EEA1: variants seen among roughly 807,000 people sequenced by gnomAD.
EEA1 encodes early endosome antigen 1, 162kD.
In EEA1, 111 loss-of-function variants were observed where a neutral mutation model predicts 209.2. The ratio of observed to expected loss-of-function variants is 0.53; its 90% confidence interval spans 0.45 to 0.62. EEA1 has a LOEUF of 0.62. Among genes scored for constraint, EEA1 ranks in the 20% least tolerant of loss-of-function variants. The probability of loss-of-function intolerance (pLI) is 0.00; values close to 1 mark genes in which losing one functional copy is unlikely to be tolerated. For missense variants in EEA1, 1,343 were observed against 1,530.8 expected (o/e 0.88, Z 2.05); for synonymous variants, 536 against 540.6 (o/e 0.99, Z 0.12).
intron 13 of EEA1, 140 bp downstream of exon 13, chr12:92,826,026 A>C: frequency 1.2e-6 from 1 of 845,564 alleles, no homozygotes; most frequent in Non-Finnish European, 1.6e-6. Flanking sequence ...AATCCCTCAC[A>C]ATCAAGTATT....
chr12:92,777,726 T>TATAG, intron 26 of EEA1, 63 bp from the exon 27 acceptor site: 1 of 1,495,368 alleles, frequency 6.7e-7, no homozygotes, highest in Non-Finnish European at 9.0e-7. Context: ...CCTTCTAGGG[T>TATAG]ATAGATAATG....
intron 7 of EEA1, among the ~76,000 whole-genome samples, chr12:92,852,557 T>C (rs1877676884): frequency 6.6e-6 from 1 of 152,084 alleles, no homozygotes; most frequent in African/African-American, 2.4e-5. Context: ...AAGCACATGT[T>C]AAAAACATAT....
At chr12:92,880,696 C>T (rs567954179) in intron 2 of EEA1, among the ~76,000 whole-genome samples, 3 of 152,074 alleles carry the variant, frequency 2.0e-5, no homozygotes, top group South Asian at 2.1e-4. Context: ...AGGATGGTCT[C>T]GATCTCCTGA....
intron 18 of EEA1, 63 bp downstream of exon 18, chr12:92,808,954 G>A: frequency 2.1e-6 from 3 of 1,428,790 alleles, no homozygotes; most frequent in Non-Finnish European, 2.8e-6. Flanking sequence ...AAATCTGAAG[G>A]AAATTTTAAT....
chr12:92,812,288 C>T (rs1383500360), intron 16 of EEA1, among the ~76,000 whole-genome samples: 1 of 151,774 alleles, frequency 6.6e-6, no homozygotes, highest in African/African-American at 2.4e-5. Context: ...AAGATTACAC[C>T]ATTGCGCTCC....
Position 92,832,731 on chromosome 12 carries a change from A to G in EEA1, c.1035T>C (p.Asp345=). The part of the protein sequence containing the change: ...IQATLHQKDL[D]CQQLQSRLSA... Reference sequence around the variant, plus strand: ...ACAATCTTGACTGAAGCTGTTGACAATCTAGGTCTTTTTGATGAAGGGTTG... The same window carrying G: ...ACAATCTTGACTGAAGCTGTTGACAGTCTAGGTCTTTTTGATGAAGGGTTG... The change falls in exon 11 of 29, where the codon GAT becomes GAC. Residue 345 remains aspartate (D), a synonymous_variant. Transcript: ENST00000322349. The G allele has an allele frequency of 6.2e-7, 1 of 1,614,032 alleles. No individual in the cohort carries two copies. Among genetic ancestry groups the G allele is most frequent in the Non-Finnish European group, 8.5e-7 (1 of 1,179,980 alleles).
At chr12:92,812,754 C>T (rs1443940446) in intron 16 of EEA1, among the ~76,000 whole-genome samples, 2 of 152,182 alleles carry the variant, frequency 1.3e-5, no homozygotes, top group Admixed American at 6.5e-5. Flanking sequence ...GGAAACCAAC[C>T]ACACCTGCAC....
Position 92,772,226 on chromosome 12 carries a change from C to A in EEA1, c.*3785G>T, listed in dbSNP as rs1419144776. On this transcript the variant is annotated 3_prime_UTR_variant, in exon 29 of 29. Transcript: ENST00000322349. The stretch of plus-strand genomic sequence containing the variant: ...TAAATGGTCATCTGGGTATTAAATG[C>A]AGACACACAATGAAATAAGGGGTTA... 4 of 151,580 alleles carry A rather than the reference C, an allele frequency of 2.6e-5. No homozygotes were observed. Among genetic ancestry groups the A allele is most frequent in the African/African-American group, 9.7e-5 (4 of 41,306 alleles). The allele number at this position is 151,580 out of a possible 1,614,324, so 9.4% of individuals were successfully genotyped here.
intron 21 of EEA1, among the ~76,000 whole-genome samples, chr12:92,792,903 A>C (rs1429074620): frequency 6.6e-6 from 1 of 152,182 alleles, no homozygotes; most frequent in Non-Finnish European, 1.5e-5. Context: ...GGCAAACCGA[A>C]TCCAGCAGCA....
chr12:92,846,197 T>A (rs1877382709), intron 9 of EEA1, among the ~76,000 whole-genome samples: 1 of 152,158 alleles, frequency 6.6e-6, no homozygotes, highest in Admixed American at 6.5e-5. Context: ...AATTGCCATA[T>A]AACAATTGAA....
At chr12:92,913,726 T>C (rs147770644) in intron 1 of EEA1, among the ~76,000 whole-genome samples, 207 of 152,310 alleles carry the variant, frequency 1.4e-3, no homozygotes, top group Non-Finnish European at 2.4e-3. Flanking sequence ...AGTGGCGCGA[T>C]GTCAGCTCAC....
At chr12:92,841,996 T>C (rs1004308966) in intron 10 of EEA1, among the ~76,000 whole-genome samples, 4 of 152,106 alleles carry the variant, frequency 2.6e-5, no homozygotes, top group African/African-American at 4.8e-5. Context: ...ATAACATATA[T>C]ACATACAACA....
At chr12:92,821,671 C>T (rs995996805) in intron 13 of EEA1, among the ~76,000 whole-genome samples, 4 of 152,000 alleles carry the variant, frequency 2.6e-5, no homozygotes, top group African/African-American at 4.8e-5. Context: ...CCCTCAATAA[C>T]GACTTAAAAG....
intron 2 of EEA1, among the ~76,000 whole-genome samples, chr12:92,879,033 C>T (rs1005839140): frequency 1.1e-4 from 17 of 152,032 alleles, no homozygotes; most frequent in Non-Finnish European, 1.3e-4. Context: ...GCCAGGAAAA[C>T]CCAGATACCA....
Position 92,782,021 on chromosome 12 carries a change from G to T in EEA1, c.3265C>A (p.Gln1089Lys), listed in dbSNP as rs148674113. Residue 1089 changes from glutamine to lysine, a missense_variant, in exon 23 of 29, where the codon CAG becomes AAG. Around this residue, in one of 3 missense-constraint regions of EEA1, gnomAD observed 1,307 missense variants for 1,465.5 expected, o/e 0.89. Coordinates refer to ENST00000322349, the MANE Select transcript of EEA1 (RefSeq NM_003566.4). Reference sequence around the variant, plus strand: ...TGCTGTTCTTTCTTTGCTGAATCCTGCTCCAATGTAGCCTTGGCAGTCTTC... The same window carrying T: ...TGCTGTTCTTTCTTTGCTGAATCCTTCTCCAATGTAGCCTTGGCAGTCTTC... ...ELKTAKATLE[Q>K]DSAKKEQQLQ... is the part of the protein sequence containing the mutation. 6.2e-6 allele frequency: 10 copies of T among 1,612,996 alleles called. No individual in the cohort carries two copies. Among genetic ancestry groups the T allele is most frequent in the Non-Finnish European group, 8.5e-6 (10 of 1,179,414 alleles).
At chr12:92,861,543 A>C (rs1283764430) in intron 3 of EEA1, among the ~76,000 whole-genome samples, 1 of 152,198 alleles carries the variant, frequency 6.6e-6, no homozygotes, top group Non-Finnish European at 1.5e-5. Flanking sequence ...AACAAGTACA[A>C]ATGGTATCTC....
At position 92,852,245 on chromosome 12, in the gene EEA1, T is replaced by C; in HGVS notation, c.572A>G (p.Gln191Arg). 4.4e-6 allele frequency: 7 copies of C among 1,603,190 alleles called. 1 individual carries two copies. The highest frequency in any genetic ancestry group is 2.2e-5 in the South Asian group (2 of 88,998). ...EERSLREAAE[Q>R]KVTRLTEELN... ...TTCTTCTGTCAGACGTGTCACTTTT[T>C]GTTCAGCAGCTTCTCGAAGACTCCT... The change falls in exon 8 of 29, where the codon CAA becomes CGA. Residue 191 changes from glutamine to arginine, a missense_variant. By Grantham distance (43) the Gln-to-Arg change is conservative (BLOSUM62 1). This residue lies in a region of EEA1 where 1,307 missense variants were observed against 1,465.5 expected (regional missense o/e 0.89). Coordinates refer to ENST00000322349, the MANE Select transcript of EEA1 (RefSeq NM_003566.4).
intron 1 of EEA1, among the ~76,000 whole-genome samples, chr12:92,913,712 G>C (rs1455803110): frequency 1.3e-5 from 2 of 152,158 alleles, no homozygotes; most frequent in African/African-American, 4.8e-5. Flanking sequence ...CCGGGCTGGA[G>C]TGCAGTGGCG....
intron 7 of EEA1, among the ~76,000 whole-genome samples, 172 bp from the exon 8 acceptor site, chr12:92,852,468 TTAAC>T (rs1231482631): frequency 6.6e-6 from 1 of 152,088 alleles, no homozygotes. Context: ...GAACTTAAAA[TTAAC>T]TGTCTACATA....
Sources: allele counts gnomAD v4.1 joint callset (sites outside exome capture counted in the v4.1 genomes callset), GRCh38; gene constraint gnomAD v4.1.1; regional missense constraint gnomAD v4.1.1; transcripts MANE v1.5; gene names NCBI Gene and HGNC (gene_info 2026-07-23, HGNC 2026-07-21).